LDLRAD4: variants seen among roughly 807,000 people sequenced by gnomAD.
LDLRAD4 encodes low-density lipoprotein receptor class A domain-containing protein 4.
Under a neutral mutation model 17.0 loss-of-function variants are expected in LDLRAD4, and 5 were observed. The ratio of observed to expected loss-of-function variants is 0.29; its 90% CI spans 0.15 to 0.62. LDLRAD4 has a LOEUF of 0.62. Among genes scored for constraint, LDLRAD4 ranks in the 20% least tolerant of loss-of-function variants. The pLI is 0.84. For synonymous variants in LDLRAD4, 168 were observed against 171.8 expected, an observed-to-expected ratio of 0.98 and a Z score of 0.17; for missense variants, 340 against 424.7, an observed-to-expected ratio of 0.80 and a Z score of 1.75.
intron 2 of LDLRAD4, among the ~76,000 whole-genome samples, chr18:13,391,848 G>A (rs539474745): frequency 2.0e-5 from 3 of 152,050 alleles, no homozygotes; most frequent in Non-Finnish European, 2.9e-5. Context: ...ATTACATTAC[G>A]AGCATTTTTC....
chr18:13,449,329 C>T (rs2091639287), intron 3 of LDLRAD4, among the ~76,000 whole-genome samples: 1 of 152,200 alleles, frequency 6.6e-6, no homozygotes, highest in African/African-American at 2.4e-5. Flanking sequence ...ACTTTTCATT[C>T]CCTGGGATGG....
At chr18:13,578,429 C>T (rs1011947814) in intron 3 of LDLRAD4, among the ~76,000 whole-genome samples, 2 of 152,200 alleles carry the variant, frequency 1.3e-5, no homozygotes, top group African/African-American at 4.8e-5. Flanking sequence ...CACCTGTGCC[C>T]TCCCTGGCCA....
At chr18:13,459,532 G>A (rs1212950705) in intron 3 of LDLRAD4, among the ~76,000 whole-genome samples, 3 of 152,020 alleles carry the variant, frequency 2.0e-5, no homozygotes, top group South Asian at 4.2e-4. Flanking sequence ...ATAGGTGCCC[G>A]CAACCACGCC....
At chr18:13,527,840 A>G (rs75179210) in intron 3 of LDLRAD4, among the ~76,000 whole-genome samples, 1,777 of 152,244 alleles carry the variant, frequency 0.012, 38 homozygotes, top group African/African-American at 0.041. Flanking sequence ...GCAGCCCATC[A>G]GGTCTGGGGC....
intron 1 of LDLRAD4, among the ~76,000 whole-genome samples, chr18:13,293,166 G>C (rs957231154): frequency 3.9e-5 from 6 of 152,188 alleles, no homozygotes; most frequent in Non-Finnish European, 8.8e-5. Context: ...GTGTAATTTG[G>C]TTTTATGTCT....
At chr18:13,218,380 G>T (rs892105412), upstream of LDLRAD4, among the ~76,000 whole-genome samples, 14 of 152,176 alleles carry the variant, frequency 9.2e-5, no homozygotes, top group Non-Finnish European at 8.8e-5. Context: ...CCCCCACCCC[G>T]TTTTCTGTTT....
At chr18:13,411,857 C>T (rs1206559155) in intron 2 of LDLRAD4, among the ~76,000 whole-genome samples, 4 of 152,054 alleles carry the variant, frequency 2.6e-5, no homozygotes, top group Non-Finnish European at 5.9e-5. Context: ...TTTTTTGTTT[C>T]TTTGAGACAG....
intron 1 of LDLRAD4, among the ~76,000 whole-genome samples, chr18:13,284,787 G>A (rs73951945): frequency 0.013 from 1,935 of 152,280 alleles, 44 homozygotes; most frequent in African/African-American, 0.042. Context: ...GAGGCCACCC[G>A]GATGAGCTGT....
intron 1 of LDLRAD4, among the ~76,000 whole-genome samples, chr18:13,265,564 C>A (rs759940883): frequency 1.3e-5 from 2 of 152,200 alleles, no homozygotes; most frequent in African/African-American, 2.4e-5. Flanking sequence ...AGGAGCAAGG[C>A]GTGCCACATC....
At chr18:13,387,963 G>C (rs573233899) in intron 2 of LDLRAD4, among the ~76,000 whole-genome samples, 1 of 152,166 alleles carries the variant, frequency 6.6e-6, no homozygotes, top group Non-Finnish European at 1.5e-5. Flanking sequence ...GTTTGAAAAA[G>C]TGTTTGACAC....
At chr18:13,366,792 G>T (rs894300956) in intron 1 of LDLRAD4, among the ~76,000 whole-genome samples, 1 of 152,164 alleles carries the variant, frequency 6.6e-6, no homozygotes, top group African/African-American at 2.4e-5. Flanking sequence ...CTCCAGCACC[G>T]CAGTGATGGG....
intron 3 of LDLRAD4, among the ~76,000 whole-genome samples, chr18:13,441,571 C>T (rs2091023724): frequency 6.6e-6 from 1 of 152,214 alleles, no homozygotes; most frequent in Admixed American, 6.5e-5. Flanking sequence ...TCTGGATTTC[C>T]AGATGAGCTA....
At chr18:13,450,824 T>G (rs1174539163) in intron 3 of LDLRAD4, among the ~76,000 whole-genome samples, 2 of 151,402 alleles carry the variant, frequency 1.3e-5, no homozygotes, top group African/African-American at 4.9e-5. Flanking sequence ...TCAGGGGGAG[T>G]GTCGTGGGGA....
chr18:13,639,502 A>T (rs1050087290), intron 4 of LDLRAD4, among the ~76,000 whole-genome samples: 9 of 152,244 alleles, frequency 5.9e-5, no homozygotes, highest in Non-Finnish European at 1.2e-4. Context: ...TCAGCGTGTG[A>T]CAGCCTTGGT....
chr18:13,464,743 C>T (rs1269158967), intron 3 of LDLRAD4, among the ~76,000 whole-genome samples: 1 of 146,114 alleles, frequency 6.8e-6, no homozygotes, highest in Non-Finnish European at 1.5e-5. Flanking sequence ...TTTCACATCG[C>T]TGTAGATGGG....
chr18:13,372,450 A>G (rs894408632), intron 1 of LDLRAD4, among the ~76,000 whole-genome samples: 14 of 152,194 alleles, frequency 9.2e-5, no homozygotes, highest in African/African-American at 2.4e-5. Flanking sequence ...CCCTTGAACT[A>G]TTAGAAGAAA....
intron 3 of LDLRAD4, among the ~76,000 whole-genome samples, chr18:13,587,211 G>C (rs2148502880): frequency 6.6e-6 from 1 of 152,224 alleles, no homozygotes; most frequent in East Asian, 1.9e-4. Flanking sequence ...CTGAAAATTT[G>C]CATTTCTAAC....
intron 3 of LDLRAD4, among the ~76,000 whole-genome samples, chr18:13,457,389 C>G (rs991467960): frequency 2.0e-5 from 3 of 152,208 alleles, no homozygotes; most frequent in Non-Finnish European, 4.4e-5. Flanking sequence ...TCTGCATGTT[C>G]CGCCATCCAG....
chr18:13,287,020 GC>G, intron 1 of LDLRAD4, among the ~76,000 whole-genome samples: 1 of 152,298 alleles, frequency 6.6e-6, no homozygotes, highest in Admixed American at 6.5e-5. Flanking sequence ...GCCTGGACCA[GC>G]CCGTGTGGCT....
Sources: allele counts gnomAD v4.1 joint callset (sites outside exome capture counted in the v4.1 genomes callset), GRCh38; gene constraint gnomAD v4.1.1; transcripts MANE v1.5; gene names NCBI Gene and HGNC (gene_info 2026-07-23, HGNC 2026-07-21).